Variants in RNF212 observed in about 807,000 individuals in gnomAD.
RNF212 encodes the protein probable E3 SUMO-protein ligase RNF212.
RNF212 carries 33 observed loss-of-function variants against 34.7 expected under a neutral mutation model. That is an observed-to-expected ratio of 0.95 (90% CI 0.72 to 1.27). RNF212 has a LOEUF of 1.27. Ranked by LOEUF, RNF212 falls within the 50% of genes most tolerant of loss-of-function variation. The pLI is 0.00. For synonymous variants in RNF212, 140 were observed against 136.1 expected (o/e 1.03, Z -0.20); for missense variants, 377 against 362.2 (o/e 1.04, Z -0.33).
intron 7 of RNF212, 146 bp from the exon 8 acceptor site, chr4:1,079,834 C>CATCT (rs1367465098): frequency 1.5e-6 from 1 of 675,036 alleles, no homozygotes; most frequent in East Asian, 2.7e-5. Flanking sequence ...GCCACTTAGG[C>CATCT]ATCTGATCAC....
At chr4:1,112,063 G>A (rs548997727) in intron 1 of RNF212, among the ~76,000 whole-genome samples, 1 of 152,276 alleles carries the variant, frequency 6.6e-6, no homozygotes, top group Non-Finnish European at 1.5e-5. Context: ...AAAAAATCAG[G>A]GGTGCGTGGC....
At chr4:1,075,180 G>A (rs1025175836) in intron 8 of RNF212, among the ~76,000 whole-genome samples, 1 of 152,204 alleles carries the variant, frequency 6.6e-6, no homozygotes, top group Non-Finnish European at 1.5e-5. Context: ...GGCTGTGTAC[G>A]CATCGGTGTG....
At chr4:1,057,846 C>T (rs1717436997) in intron 4 of RNF212, among the ~76,000 whole-genome samples, 1 of 152,224 alleles carries the variant, frequency 6.6e-6, no homozygotes, top group Admixed American at 6.5e-5. Flanking sequence ...AGGCAGATCA[C>T]CTGAGGTCGG....
At chr4:1,059,835 C>T (rs1717624094) in intron 3 of RNF212, among the ~76,000 whole-genome samples, 1 of 152,228 alleles carries the variant, frequency 6.6e-6, no homozygotes, top group African/African-American at 2.4e-5. Flanking sequence ...TGGCTCATGC[C>T]TGTAATCCCA....
At chr4:1,083,997 G>A (rs1720786045) in intron 5 of RNF212, among the ~76,000 whole-genome samples, 1 of 146,612 alleles carries the variant, frequency 6.8e-6, no homozygotes, top group Admixed American at 6.9e-5. Context: ...TACCCAGGCT[G>A]GAGTGCAATG....
chr4:1,099,993 T>C, intron 2 of RNF212: 1 of 413,744 alleles, frequency 2.4e-6, no homozygotes, highest in South Asian at 1.7e-5. Context: ...AGGAACGGGG[T>C]TCTCTGACTA....
At chr4:1,081,545 T>C (rs1258589396) in intron 6 of RNF212, 22 bp downstream of exon 6, 1 of 1,610,064 alleles carries the variant, frequency 6.2e-7, no homozygotes, top group Non-Finnish European at 8.5e-7. Flanking sequence ...TTTTGTTCTC[T>C]TTCTGGCATG....
chr4:1,074,556 G>C (rs1718969857), intron 8 of RNF212, among the ~76,000 whole-genome samples: 1 of 152,128 alleles, frequency 6.6e-6, no homozygotes, highest in Admixed American at 6.6e-5. Flanking sequence ...CCCTGCTCCA[G>C]GGACTCTCTC....
chr4:1,057,187 C>G (rs1375903198), intron 4 of RNF212, among the ~76,000 whole-genome samples: 2 of 152,150 alleles, frequency 1.3e-5, no homozygotes, highest in East Asian at 3.9e-4. Flanking sequence ...TGCTGCAGGG[C>G]CCGTGGGCAC....
intron 3 of RNF212, chr4:1,093,473 G>A (rs775395271): frequency 3.4e-6 from 5 of 1,450,706 alleles, no homozygotes; most frequent in East Asian, 5.0e-5. Flanking sequence ...CCCTGCGTTT[G>A]TGATGCTCAC....
At chr4:1,064,227 A>G (rs1474562686) in intron 3 of RNF212, among the ~76,000 whole-genome samples, 3 of 152,250 alleles carry the variant, frequency 2.0e-5, no homozygotes, top group Non-Finnish European at 4.4e-5. Flanking sequence ...ACATAAATAC[A>G]TATGACAAAG....
intron 3 of RNF212, chr4:1,093,277 G>T: frequency 1.5e-6 from 1 of 674,682 alleles, no homozygotes; most frequent in Non-Finnish European, 2.1e-6. Context: ...TTTATCTGTT[G>T]GTATTTACCC....
intron 3 of RNF212, among the ~76,000 whole-genome samples, chr4:1,092,499 C>T (rs604526): frequency 0.18 from 26,682 of 152,078 alleles, 3,647 homozygotes; most frequent in African/African-American, 0.39. Context: ...ATGCCGCCTC[C>T]GTGGTTTGTC....
At chr4:1,109,385 C>T (rs1462740833) in intron 1 of RNF212, among the ~76,000 whole-genome samples, 1 of 152,200 alleles carries the variant, frequency 6.6e-6, no homozygotes, top group Admixed American at 6.5e-5. Context: ...GATTTTCTCA[C>T]TAGTCAACTT....
intron 5 of RNF212, among the ~76,000 whole-genome samples, chr4:1,083,569 C>A (rs1481252322): frequency 6.6e-6 from 1 of 152,082 alleles, no homozygotes; most frequent in African/African-American, 2.4e-5. Flanking sequence ...ACCCGGCAGG[C>A]GGAGGTTGAG....
chr4:1,073,293 C>T (rs1718735952), intron 9 of RNF212, 100 bp from the exon 10 acceptor site: 2 of 1,466,026 alleles, frequency 1.4e-6, no homozygotes, highest in Admixed American at 2.4e-5. Flanking sequence ...TGAAAAGGGA[C>T]CAGCAATTCA....
At chr4:1,094,753 CAGAGA>C (rs1328816770) in intron 3 of RNF212, among the ~76,000 whole-genome samples, 5 of 152,156 alleles carry the variant, frequency 3.3e-5, no homozygotes, top group African/African-American at 1.2e-4. Context: ...GCCCTGAACC[CAGAGA>C]ACCCTGATCT....
At chr4:1,094,485 G>A (rs1036714176) in intron 3 of RNF212, among the ~76,000 whole-genome samples, 12 of 152,292 alleles carry the variant, frequency 7.9e-5, no homozygotes, top group East Asian at 5.8e-4. Flanking sequence ...TGGACAAGCC[G>A]CAACTGAGAG....
At chr4:1,078,938 T>TCAACACAGGAC (rs201470853) in intron 8 of RNF212, among the ~76,000 whole-genome samples, 7 of 72,606 alleles carry the variant, frequency 9.6e-5, no homozygotes, top group Admixed American at 2.4e-4. Context: ...CAACACAGGG[T>TCAACACAGGAC]CAACACAGGA....
Sources: allele counts gnomAD v4.1 joint callset (sites outside exome capture counted in the v4.1 genomes callset), GRCh38; gene constraint gnomAD v4.1.1; transcripts MANE v1.5; gene names NCBI Gene and HGNC (gene_info 2026-07-23, HGNC 2026-07-21).